Variants in KCNQ5 observed in about 807,000 individuals in gnomAD.
KCNQ5 encodes potassium voltage-gated channel subfamily Q member 5.
In KCNQ5, 30 loss-of-function variants were observed where a neutral mutation model predicts 98.2. The ratio of observed to expected loss-of-function variants is 0.31; its 90% CI spans 0.23 to 0.41. The LOEUF is 0.41. Ranked by LOEUF, KCNQ5 falls within the 10% of genes least tolerant of loss-of-function variation. KCNQ5 has a pLI of 1.00. For synonymous variants in KCNQ5, 458 were observed against 449.4 expected (o/e 1.02, Z -0.24); for missense variants, 835 against 1,182.5 (o/e 0.71, Z 4.31).
At chr6:72,700,964 A>G (rs978411259) in intron 1 of KCNQ5, among the ~76,000 whole-genome samples, 6 of 152,222 alleles carry the variant, frequency 3.9e-5, no homozygotes, top group Admixed American at 3.9e-4. Context: ...AGCAATTCAC[A>G]TAGTTTTCAC....
intron 11 of KCNQ5, among the ~76,000 whole-genome samples, chr6:73,180,959 T>C (rs550902548): frequency 4.2e-4 from 64 of 152,318 alleles, no homozygotes; most frequent in African/African-American, 1.4e-3. Context: ...TCTCTGCATA[T>C]TCATATGCAA....
At chr6:73,053,284 C>T (rs1404818883) in intron 3 of KCNQ5, among the ~76,000 whole-genome samples, 1 of 152,038 alleles carries the variant, frequency 6.6e-6, no homozygotes, top group Non-Finnish European at 1.5e-5. Flanking sequence ...TTTAGATAAC[C>T]ACACAATAAT....
At chr6:73,048,011 C>T (rs1488549088) in intron 3 of KCNQ5, among the ~76,000 whole-genome samples, 2 of 152,186 alleles carry the variant, frequency 1.3e-5, no homozygotes, top group African/African-American at 4.8e-5. Context: ...TCTACCATGT[C>T]CAAGCATGCT....
In KCNQ5 at chr6:72,948,493, C is replaced by A. The variant is rs1048831786; in HGVS notation, c.399-55415C>A. ...GAGAGAAAGGAAAAGAAAAAAAAAT[C>A]TTTTTCTTTTTAATGGATTCACAGT... On this transcript the variant is annotated intron_variant, in intron 1 of 13. Coordinates refer to ENST00000370398, the MANE Select transcript of KCNQ5 (RefSeq NM_019842.4). Among the ~76,000 whole-genome samples, 8 of 151,874 alleles carry A rather than the reference C, an allele frequency of 5.3e-5. No homozygotes were observed. The East Asian group carries it at 7.7e-4, about 15-fold the overall frequency.
intron 10 of KCNQ5, 52 bp downstream of exon 10, chr6:73,133,693 G>C: frequency 2.7e-6 from 4 of 1,470,120 alleles, no homozygotes; most frequent in Non-Finnish European, 3.8e-6. Flanking sequence ...TATAGTGAGT[G>C]AGATTATGAA....
At chr6:72,778,090 A>G (rs1408654940) in intron 1 of KCNQ5, among the ~76,000 whole-genome samples, 6 of 152,202 alleles carry the variant, frequency 3.9e-5, no homozygotes, top group East Asian at 3.8e-4. Context: ...AGTCTCTAGC[A>G]TAAGTGGAAA....
At chr6:73,110,231 A>G (rs895397910) in intron 6 of KCNQ5, among the ~76,000 whole-genome samples, 2 of 152,242 alleles carry the variant, frequency 1.3e-5, no homozygotes, top group South Asian at 2.1e-4. Flanking sequence ...AAAAACTAAT[A>G]ATTTATAGCT....
intron 1 of KCNQ5, among the ~76,000 whole-genome samples, chr6:72,738,311 A>G (rs1770956214): frequency 6.6e-6 from 1 of 152,068 alleles, no homozygotes; most frequent in Non-Finnish European, 1.5e-5. Context: ...GACCTCATTC[A>G]CCAGAAGTTC....
At chr6:73,030,591 T>C (rs6453618) in intron 2 of KCNQ5, among the ~76,000 whole-genome samples, 127,497 of 152,182 alleles carry the variant, frequency 0.84, 54,624 homozygotes, top group South Asian at 0.95. Flanking sequence ...ATAATCATCA[T>C]AGGTAGAAGA....
chr6:73,106,768 G>A (rs1775018511), intron 6 of KCNQ5, among the ~76,000 whole-genome samples: 1 of 152,210 alleles, frequency 6.6e-6, no homozygotes, highest in African/African-American at 2.4e-5. Flanking sequence ...AATTCAGCCT[G>A]AACAGTGACC....
At chr6:72,855,048 A>G (rs1777467681) in intron 1 of KCNQ5, among the ~76,000 whole-genome samples, 1 of 151,990 alleles carries the variant, frequency 6.6e-6, no homozygotes, top group African/African-American at 2.4e-5. Context: ...TTTATCATCA[A>G]TTATCACACA....
chr6:72,638,198 G>A (rs1022366279), intron 1 of KCNQ5, among the ~76,000 whole-genome samples: 6 of 152,150 alleles, frequency 3.9e-5, no homozygotes, highest in African/African-American at 1.4e-4. Context: ...TGCTTCAGTA[G>A]CCCATTATTC....
intron 1 of KCNQ5, among the ~76,000 whole-genome samples, chr6:72,708,343 A>G (rs1434996077): frequency 6.6e-6 from 1 of 152,166 alleles, no homozygotes. Context: ...GAAAAATTTG[A>G]TTATATGTAT....
chr6:72,760,062 C>T (rs1043367250), intron 1 of KCNQ5, among the ~76,000 whole-genome samples: 3 of 152,196 alleles, frequency 2.0e-5, no homozygotes, highest in East Asian at 1.9e-4. Context: ...CATTTCTTCC[C>T]CAGGATGGCA....
intron 6 of KCNQ5, 48 bp from the exon 7 acceptor site, chr6:73,111,260 A>T: frequency 7.8e-7 from 1 of 1,275,904 alleles, no homozygotes; most frequent in Non-Finnish European, 1.1e-6. Flanking sequence ...TGTATTATTT[A>T]ACAGTGCTTT....
chr6:73,025,947 T>C (rs1323181565), intron 2 of KCNQ5, among the ~76,000 whole-genome samples: 3 of 152,160 alleles, frequency 2.0e-5, no homozygotes, highest in East Asian at 1.9e-4. Flanking sequence ...GAGGATATGA[T>C]ATATTTATAT....
rs777544151 is a variant in KCNQ5, at chr6:73,064,461, C to T, written c.617-12861C>T. 4.6e-5 allele frequency among the ~76,000 whole-genome samples: 7 copies of T among 152,128 alleles called. No homozygotes were observed. In the Middle Eastern group the frequency reaches 0.01, roughly 222 times the overall value. ...AAGATATCCAAGCATGGAATTTCATCATAGGATGTTGGGATTTCCAGCAGA... is the reference window on the plus strand; with the variant it reads ...AAGATATCCAAGCATGGAATTTCATTATAGGATGTTGGGATTTCCAGCAGA... On this transcript the variant is annotated intron_variant, in intron 3 of 13. Transcript: ENST00000370398.
At chr6:73,157,030 G>A (rs1052083438) in intron 10 of KCNQ5, among the ~76,000 whole-genome samples, 2 of 152,228 alleles carry the variant, frequency 1.3e-5, no homozygotes, top group African/African-American at 4.8e-5. Context: ...GGCGAGGCGA[G>A]CAGAGAGAGG....
intron 1 of KCNQ5, among the ~76,000 whole-genome samples, chr6:72,874,177 C>T (rs1778317384): frequency 6.6e-6 from 1 of 151,724 alleles, no homozygotes; most frequent in East Asian, 1.9e-4. Context: ...TATTTTTGTC[C>T]TTTGCCATAT....
Sources: allele counts gnomAD v4.1 joint callset (sites outside exome capture counted in the v4.1 genomes callset), GRCh38; gene constraint gnomAD v4.1.1; transcripts MANE v1.5; gene names NCBI Gene and HGNC (gene_info 2026-07-23, HGNC 2026-07-21).